The following STK24 variants were observed in gnomAD, a reference collection of about 807,000 sequenced individuals.
The protein encoded by STK24 is serine/threonine-protein kinase 24.
STK24 carries 21 observed loss-of-function variants against 55.6 expected under a neutral mutation model. That is an observed-to-expected ratio of 0.38 (90% CI 0.27 to 0.54). The LOEUF is 0.54. Ranked by LOEUF, STK24 falls within the 20% of genes least tolerant of loss-of-function variation. The pLI, the probability that STK24 is intolerant of heterozygous loss-of-function variation, is 0.79. For synonymous variants in STK24, 200 were observed against 215.2 expected (o/e 0.93, Z 0.62); for missense variants, 383 against 538.4 (o/e 0.71, Z 2.86).
intron 2 of STK24, among the ~76,000 whole-genome samples, chr13:98,488,497 T>A (rs1894893965): frequency 6.6e-6 from 1 of 152,230 alleles, no homozygotes; most frequent in South Asian, 2.1e-4. Flanking sequence ...GTGAGCTGTG[T>A]ATATCCTTTG....
intron 5 of STK24, among the ~76,000 whole-genome samples, chr13:98,467,093 G>A (rs1594580905): frequency 6.6e-6 from 1 of 152,184 alleles, no homozygotes. Context: ...AAGAGGAGGA[G>A]GTGGCCATGT....
intron 1 of STK24, chr13:98,576,112 T>A: frequency 1.0e-6 from 1 of 984,952 alleles, no homozygotes; most frequent in Non-Finnish European, 1.2e-6. Context: ...GAGGGATTCC[T>A]CCTTCCAGAA....
chr13:98,474,981 G>A lies in STK24; in HGVS notation c.440-3C>T. On this transcript the variant is annotated splice_region_variant and splice_polypyrimidine_tract_variant and intron_variant, in intron 4 of 10. Coordinates refer to ENST00000539966, the MANE Select transcript of STK24 (RefSeq NM_001032296.4). The stretch of plus-strand genomic sequence containing the variant: ...CTCAGACAGCAGGACGTTGGCCGCT[G>A]CAAAAGAAAGCCAAGGCGGCCCTGG... 1 of 1,607,750 alleles carries A rather than the reference G, an allele frequency of 6.2e-7. No homozygotes were observed. Among genetic ancestry groups the A allele is most frequent in the Non-Finnish European group, 8.5e-7 (1 of 1,177,076 alleles).
At chr13:98,474,395 C>T (rs994681323) in intron 5 of STK24, among the ~76,000 whole-genome samples, 4 of 152,152 alleles carry the variant, frequency 2.6e-5, no homozygotes, top group Non-Finnish European at 4.4e-5. Flanking sequence ...TGTGGGAGCC[C>T]CTTTCTCTAC....
chr13:98,540,568 T>C (rs1386109709), intron 1 of STK24, among the ~76,000 whole-genome samples: 1 of 151,972 alleles, frequency 6.6e-6, no homozygotes, highest in African/African-American at 2.4e-5. Context: ...CTAAGTATTG[T>C]TCACAGTTTC....
In STK24 at chr13:98,576,881, C is replaced by T; in HGVS notation, c.-95G>A. The T allele has an allele frequency of 2.7e-6, 2 of 753,762 alleles. No individual in the cohort carries two copies. Among genetic ancestry groups the T allele is most frequent in the Non-Finnish European group, 3.2e-6 (2 of 623,942 alleles). The allele number at this position is 753,762 out of a possible 1,614,324, so 46.7% of individuals were successfully genotyped here. ...CCGCGGGCCGCGCGCAGCCCTCGGG[C>T]GGCGGGGCCGGCCGGAGCCCGAGGC... On this transcript the variant is annotated 5_prime_UTR_variant, in exon 1 of 11. Coordinates refer to ENST00000539966, the MANE Select transcript of STK24 (RefSeq NM_001032296.4).
chr13:98,446,174 A>T lies in STK24; in HGVS notation c.*6999T>A. On this transcript the variant is annotated 3_prime_UTR_variant, in exon 11 of 11. Transcript: ENST00000539966. The stretch of plus-strand genomic sequence containing the variant: ...CAGAAGCTGTGGGTGGTGTTCACAA[A>T]CTTCTGCCTGTTCTTCTACAAATCA... The T allele has an allele frequency of 6.2e-7, 1 of 1,613,674 alleles. No homozygotes were observed. Among genetic ancestry groups the T allele is most frequent in the Non-Finnish European group, 8.5e-7 (1 of 1,179,620 alleles).
chr13:98,506,722 G>C (rs1378915298), intron 2 of STK24, among the ~76,000 whole-genome samples: 1 of 152,210 alleles, frequency 6.6e-6, no homozygotes, highest in Non-Finnish European at 1.5e-5. Context: ...GAGTACAGAG[G>C]TGAGCATCGG....
intron 1 of STK24, among the ~76,000 whole-genome samples, chr13:98,535,069 C>T (rs1896678247): frequency 6.6e-6 from 1 of 152,176 alleles, no homozygotes; most frequent in South Asian, 2.1e-4. Context: ...ATGCAACGGG[C>T]CAGGCGTGGT....
chr13:98,456,991 T>G (rs1299594804), intron 10 of STK24, 177 bp downstream of exon 10: 6 of 776,436 alleles, frequency 7.7e-6, no homozygotes, highest in Non-Finnish European at 1.2e-5. Flanking sequence ...GATCCTTCAT[T>G]CACATTGATT....
chr13:98,475,036 C>G, intron 4 of STK24, 58 bp from the exon 5 acceptor site: 1 of 1,539,216 alleles, frequency 6.5e-7, no homozygotes, highest in Non-Finnish European at 8.7e-7. Context: ...CCGTGCACTG[C>G]CACAAGCGCG....
intron 1 of STK24, among the ~76,000 whole-genome samples, chr13:98,544,804 C>A (rs1410490431): frequency 6.6e-6 from 1 of 152,164 alleles, no homozygotes; most frequent in Non-Finnish European, 1.5e-5. Context: ...CAATTCGGAG[C>A]ACCTTTTAAG....
At chr13:98,512,699 T>C (rs1053468903) in intron 2 of STK24, among the ~76,000 whole-genome samples, 3 of 145,432 alleles carry the variant, frequency 2.1e-5, no homozygotes, top group Non-Finnish European at 1.5e-5. Flanking sequence ...TTGGTCATTA[T>C]CAGTTTGCTA....
chr13:98,494,802 A>AC (rs1232206641), intron 2 of STK24, among the ~76,000 whole-genome samples: 1 of 152,214 alleles, frequency 6.6e-6, no homozygotes, highest in African/African-American at 2.4e-5. Context: ...GTCACACTGC[A>AC]CTAGGGTCAG....
chr13:98,559,603 G>T (rs1897365144), intron 1 of STK24, among the ~76,000 whole-genome samples: 1 of 151,992 alleles, frequency 6.6e-6, no homozygotes. Context: ...TGGCCACAAA[G>T]TCTACACTTA....
intron 2 of STK24, among the ~76,000 whole-genome samples, chr13:98,484,998 T>C (rs1239893269): frequency 6.6e-6 from 1 of 152,080 alleles, no homozygotes; most frequent in Non-Finnish European, 1.5e-5. Flanking sequence ...GCGTCTCAAA[T>C]ACCCGGGCTG....
intron 8 of STK24, among the ~76,000 whole-genome samples, chr13:98,460,742 G>A (rs566888386): frequency 2.6e-5 from 4 of 152,262 alleles, no homozygotes; most frequent in Admixed American, 1.3e-4. Flanking sequence ...TGCTATCTAC[G>A]CAGAAGTGCT....
At chr13:98,525,605 C>T (rs981369833) in intron 1 of STK24, among the ~76,000 whole-genome samples, 1 of 152,086 alleles carries the variant, frequency 6.6e-6, no homozygotes, top group Non-Finnish European at 1.5e-5. Flanking sequence ...GAGCCGGGCT[C>T]GCCACCCCGG....
At position 98,446,971 on chromosome 13, in the gene STK24, C is replaced by A. The variant is rs1012623895; in HGVS notation, c.*6202G>T. ...GGTCCCACTGCCCGACACCAGCAGGCGATTCTGTTCTCATGGCAGAAAGTG... is the reference window on the plus strand; with the variant it reads ...GGTCCCACTGCCCGACACCAGCAGGAGATTCTGTTCTCATGGCAGAAAGTG... On this transcript the variant is annotated 3_prime_UTR_variant, in exon 11 of 11. Transcript: ENST00000539966. 6.8e-6 allele frequency: 5 copies of A among 731,230 alleles called. No homozygotes were observed. The highest frequency in any genetic ancestry group is 1.1e-5 in the Non-Finnish European group (5 of 448,452). The allele number at this position is 731,230 out of a possible 1,614,324, so 45.3% of individuals were successfully genotyped here.
Sources: allele counts gnomAD v4.1 joint callset (sites outside exome capture counted in the v4.1 genomes callset), GRCh38; gene constraint gnomAD v4.1.1; transcripts MANE v1.5; gene names NCBI Gene and HGNC (gene_info 2026-07-23, HGNC 2026-07-21).